Variants in MTA3 observed in about 807,000 individuals in gnomAD.
MTA3 encodes metastasis associated 1 family member 3, also known as metastasis-associated protein MTA3.
A neutral mutation model predicts 83.5 loss-of-function variants in MTA3; 34 were observed. The observed-to-expected ratio is 0.41, with a 90% CI of 0.31 to 0.54. The LOEUF (loss-of-function observed/expected upper bound fraction) is 0.54. Among genes scored for constraint, MTA3 ranks in the 20% least tolerant of loss-of-function variants. The probability of loss-of-function intolerance (pLI) is 0.33; values close to 1 mark genes in which losing one functional copy is unlikely to be tolerated. For missense variants in MTA3, 761 were observed against 726.4 expected (o/e 1.05, Z -0.55); for synonymous variants, 303 against 252.7 (o/e 1.20, Z -1.89).
At chr2:42,746,500 T>C (rs1179224987) in intron 16 of MTA3, among the ~76,000 whole-genome samples, 3 of 152,198 alleles carry the variant, frequency 2.0e-5, no homozygotes, top group East Asian at 1.9e-4. Flanking sequence ...TCTGACCATG[T>C]CTACCTGGAG....
At position 42,709,076 on chromosome 2, in the gene MTA3, A is replaced by G. The variant is rs1036949328; in HGVS notation, c.1505A>G (p.Tyr502Cys). 2.5e-6 allele frequency: 4 copies of G among 1,607,018 alleles called. No individual in the cohort carries two copies. The highest frequency in any genetic ancestry group is 3.4e-6 in the Non-Finnish European group (4 of 1,176,380). ...AARRPFVAINYAAIRAEYADR... is the reference protein window; with the variant it reads ...AARRPFVAINCAAIRAEYADR... ...AGACGGCCGTTTGTTGCTATTAATT[A>G]TGCTGCCATTAGGGCAGAATGTAAG... The change falls in exon 14 of 17, where the codon TAT (tyrosine) becomes TGT (cysteine). Residue 502 changes from tyrosine to cysteine, a missense_variant. Tyr to Cys is a radical substitution (Grantham distance 194). Transcript: ENST00000405094.
intron 9 of MTA3, among the ~76,000 whole-genome samples, chr2:42,686,014 T>A (rs1692334097): frequency 6.6e-6 from 1 of 152,306 alleles, no homozygotes; most frequent in Non-Finnish European, 1.5e-5. Context: ...TCAGGTAGTG[T>A]ATGCAACAAA....
At chr2:42,645,651 A>G (rs138765004) in intron 6 of MTA3, among the ~76,000 whole-genome samples, 3 of 152,340 alleles carry the variant, frequency 2.0e-5, no homozygotes, top group African/African-American at 7.2e-5. Flanking sequence ...CCTTTAAACC[A>G]AAGCCTAATC....
intron 8 of MTA3, among the ~76,000 whole-genome samples, chr2:42,670,483 C>T (rs979530895): frequency 1.3e-5 from 2 of 152,096 alleles, no homozygotes; most frequent in African/African-American, 4.8e-5. Context: ...TTCTGATGAG[C>T]TGAGCAGAGG....
At chr2:42,636,198 T>C (rs1322243842) in intron 4 of MTA3, among the ~76,000 whole-genome samples, 1 of 152,130 alleles carries the variant, frequency 6.6e-6, no homozygotes, top group Non-Finnish European at 1.5e-5. Flanking sequence ...CACTAAGATA[T>C]CTGCACTTTT....
intron 3 of MTA3, among the ~76,000 whole-genome samples, chr2:42,604,367 C>T (rs1682969976): frequency 6.6e-6 from 1 of 152,212 alleles, no homozygotes; most frequent in Non-Finnish European, 1.5e-5. Flanking sequence ...TAAGTTTAGT[C>T]TCCCATCCAC....
At chr2:42,591,591 T>C (rs1423990461) in intron 3 of MTA3, among the ~76,000 whole-genome samples, 2 of 152,024 alleles carry the variant, frequency 1.3e-5, no homozygotes, top group African/African-American at 2.4e-5. Context: ...TATACAAAAA[T>C]ATTTTCTTTC....
intron 16 of MTA3, among the ~76,000 whole-genome samples, chr2:42,740,791 A>T (rs1161394825): frequency 6.6e-6 from 1 of 152,262 alleles, no homozygotes; most frequent in Non-Finnish European, 1.5e-5. Flanking sequence ...TTTATAAAGC[A>T]TAGGCAGAAT....
chr2:42,579,672 G>C (rs1679409125), intron 3 of MTA3, among the ~76,000 whole-genome samples: 1 of 152,002 alleles, frequency 6.6e-6, no homozygotes, highest in African/African-American at 2.4e-5. Context: ...ATAGGCTTTA[G>C]CAAAGGATCT....
intron 8 of MTA3, among the ~76,000 whole-genome samples, chr2:42,672,585 C>T (rs1216716453): frequency 6.6e-5 from 8 of 120,900 alleles, no homozygotes; most frequent in South Asian, 5.8e-4. Context: ...GTGGAGATTG[C>T]GGTGAGCCGA....
At chr2:42,718,118 A>C (rs1030313850) in intron 14 of MTA3, among the ~76,000 whole-genome samples, 20 of 47,104 alleles carry the variant, frequency 4.2e-4, no homozygotes, top group African/African-American at 1.7e-3. Flanking sequence ...TTTTCGCTTT[A>C]TTTCTAGGGG....
chr2:42,558,958 G>C (rs779607280), intron 2 of MTA3, among the ~76,000 whole-genome samples: 3 of 151,996 alleles, frequency 2.0e-5, no homozygotes, highest in Non-Finnish European at 4.4e-5. Flanking sequence ...GGAGCAGCTA[G>C]AGTAGAGAAC....
chr2:42,632,984 G>A (rs1686829044), intron 4 of MTA3, among the ~76,000 whole-genome samples: 1 of 151,664 alleles, frequency 6.6e-6, no homozygotes, highest in African/African-American at 2.4e-5. Flanking sequence ...AAAAAATACA[G>A]TCGGGCATGG....
At chr2:42,529,021 C>G (rs1675841770) in intron 2 of MTA3, among the ~76,000 whole-genome samples, 1 of 152,160 alleles carries the variant, frequency 6.6e-6, no homozygotes, top group South Asian at 2.1e-4. Flanking sequence ...TTTACACATC[C>G]CGTTAAGTTA....
At chr2:42,628,072 C>G (rs996850963) in intron 4 of MTA3, among the ~76,000 whole-genome samples, 2 of 151,610 alleles carry the variant, frequency 1.3e-5, no homozygotes, top group African/African-American at 4.8e-5. Flanking sequence ...TTTGGTTAGA[C>G]CAGGTTTCAC....
At chr2:42,627,026 C>G (rs186776982) in intron 4 of MTA3, among the ~76,000 whole-genome samples, 421 of 152,374 alleles carry the variant, frequency 2.8e-3, no homozygotes, top group Non-Finnish European at 5.0e-3. Flanking sequence ...CAGGCATGAG[C>G]CACTGCACCC....
chr2:42,595,513 G>A (rs889675834), intron 3 of MTA3, among the ~76,000 whole-genome samples: 3 of 152,054 alleles, frequency 2.0e-5, no homozygotes, highest in South Asian at 4.1e-4. Context: ...TTTGTAGGGG[G>A]AAAATAATAA....
At chr2:42,502,969 A>G (rs1674465853) in intron 2 of MTA3, among the ~76,000 whole-genome samples, 1 of 151,960 alleles carries the variant, frequency 6.6e-6, no homozygotes, top group African/African-American at 2.4e-5. Flanking sequence ...CTCAAAAAAA[A>G]AAGCAAATAA....
intron 2 of MTA3, among the ~76,000 whole-genome samples, chr2:42,509,182 A>G (rs1057244235): frequency 1.3e-5 from 2 of 151,960 alleles, no homozygotes; most frequent in Non-Finnish European, 2.9e-5. Context: ...AGCTGGGACT[A>G]CAGGTGTCCA....
Sources: gnomAD v4.1 joint callset for allele counts (sites outside exome capture counted in the v4.1 genomes callset) on GRCh38, gnomAD v4.1.1 for gene constraint, MANE v1.5 for transcripts, NCBI Gene and HGNC (gene_info 2026-07-23, HGNC 2026-07-21) for gene names.